Variants in CDKAL1 observed in about 807,000 individuals in gnomAD.
CDKAL1 encodes the protein CDKAL1 threonylcarbamoyladenosine tRNA methylthiotransferase.
A neutral mutation model predicts 68.2 loss-of-function variants in CDKAL1; 32 were observed. The ratio of observed to expected loss-of-function variants is 0.47; its 90% CI spans 0.35 to 0.63. The LOEUF (loss-of-function observed/expected upper bound fraction) is 0.63, where lower values mean the gene tolerates loss of function less well. Among genes scored for constraint, CDKAL1 ranks in the 30% least tolerant of loss-of-function variants. The pLI, the probability that CDKAL1 is intolerant of heterozygous loss-of-function variation, is 0.00. For missense variants in CDKAL1, 606 were observed against 696.7 expected (o/e 0.87, Z 1.47); for synonymous variants, 234 against 244.3 (o/e 0.96, Z 0.39).
intron 13 of CDKAL1, among the ~76,000 whole-genome samples, chr6:21,138,683 A>G (rs950233027): frequency 5.9e-5 from 9 of 152,172 alleles, no homozygotes; most frequent in Admixed American, 5.9e-4. Flanking sequence ...TAGTCTAGAC[A>G]CTTGGAAATG....
intron 8 of CDKAL1, among the ~76,000 whole-genome samples, chr6:20,794,158 A>G (rs1460481306): frequency 3.3e-5 from 5 of 150,758 alleles, no homozygotes; most frequent in African/African-American, 1.2e-4. Context: ...TTATTTTTCC[A>G]TTTTCTGTAT....
intron 11 of CDKAL1, among the ~76,000 whole-genome samples, chr6:21,062,364 T>C (rs1771187463): frequency 6.6e-6 from 1 of 152,214 alleles, no homozygotes; most frequent in South Asian, 2.1e-4. Context: ...AAAAGGCAAG[T>C]ATAAAACTAG....
chr6:20,718,590 C>A (rs1239004121), intron 5 of CDKAL1, among the ~76,000 whole-genome samples: 4 of 152,104 alleles, frequency 2.6e-5, no homozygotes, highest in Admixed American at 6.5e-5. Context: ...GTTTATTATT[C>A]TTCTAACTTT....
intron 13 of CDKAL1, among the ~76,000 whole-genome samples, chr6:21,119,361 T>C (rs1384817853): frequency 3.3e-5 from 5 of 152,228 alleles, no homozygotes; most frequent in African/African-American, 1.2e-4. Flanking sequence ...CTGCCACTAG[T>C]ACTCACCACA....
chr6:20,682,451 G>T (rs1356271591), intron 5 of CDKAL1, among the ~76,000 whole-genome samples: 1 of 152,138 alleles, frequency 6.6e-6, no homozygotes, highest in African/African-American at 2.4e-5. Context: ...GGCTGGAGAG[G>T]CCTTAGGAAA....
chr6:20,608,294 CAA>C (rs1415463628), intron 4 of CDKAL1, among the ~76,000 whole-genome samples: 1 of 151,928 alleles, frequency 6.6e-6, no homozygotes, highest in African/African-American at 2.4e-5. Flanking sequence ...ATAAAGTACA[CAA>C]GTTATCTATA....
At chr6:21,189,959 C>A (rs1175762697) in intron 13 of CDKAL1, among the ~76,000 whole-genome samples, 1 of 152,098 alleles carries the variant, frequency 6.6e-6, no homozygotes, top group Non-Finnish European at 1.5e-5. Context: ...TAGGAAAGAA[C>A]AAGACCATAC....
chr6:20,597,274 G>A (rs538756778), intron 4 of CDKAL1, among the ~76,000 whole-genome samples: 3 of 151,842 alleles, frequency 2.0e-5, no homozygotes, highest in East Asian at 1.9e-4. Flanking sequence ...GACTACAGGC[G>A]CCTGCCACCA....
chr6:20,761,214 A>G (rs1020366264), intron 7 of CDKAL1, among the ~76,000 whole-genome samples: 16 of 152,250 alleles, frequency 1.1e-4, no homozygotes, highest in Non-Finnish European at 1.9e-4. Flanking sequence ...GCAATGCAAT[A>G]TAGTGGTATG....
chr6:21,162,882 C>T (rs576566324), intron 13 of CDKAL1, among the ~76,000 whole-genome samples: 10 of 152,036 alleles, frequency 6.6e-5, no homozygotes, highest in African/African-American at 2.2e-4. Context: ...GTGCAATGAT[C>T]ACACCTATGT....
In CDKAL1 at chr6:21,020,774, CT is replaced by C. The variant is rs60084439; in HGVS notation, c.1055+20420del. Among the ~76,000 whole-genome samples, 589 of 132,780 alleles carry C rather than the reference CT, an allele frequency of 4.4e-3. 1 individual carries two copies. Among genetic ancestry groups the C allele is most frequent in the African/African-American group, 6.0e-3 (214 of 35,592 alleles). The allele number at this position is 132,780 out of a possible 152,430, so 87.1% of individuals were successfully genotyped here. A position where few individuals can be genotyped will look rare whatever the true frequency, so the allele number is the denominator to read the frequency against. On this transcript the variant is annotated intron_variant, in intron 11 of 15. Coordinates refer to ENST00000274695, the MANE Select transcript of CDKAL1 (RefSeq NM_017774.3). ...GAGCCACCGTGCCTGGCCTTTTTTC[CT>C]TTTTTTTTTTTTTTTTTAAGAGATA...
intron 6 of CDKAL1, among the ~76,000 whole-genome samples, chr6:20,752,407 A>G (rs558535938): frequency 8.9e-4 from 135 of 152,274 alleles, no homozygotes; most frequent in African/African-American, 3.2e-3. Context: ...ATTTTCAGCT[A>G]TATACATTCA....
chr6:20,912,932 A>G (rs982374765), intron 9 of CDKAL1, among the ~76,000 whole-genome samples: 69 of 152,138 alleles, frequency 4.5e-4, no homozygotes, highest in Non-Finnish European at 8.4e-4. Flanking sequence ...CATATCTAAA[A>G]GAAATATATC....
At chr6:21,160,612 T>A (rs1376224788) in intron 13 of CDKAL1, among the ~76,000 whole-genome samples, 5 of 141,062 alleles carry the variant, frequency 3.5e-5, no homozygotes, top group African/African-American at 7.8e-5. Flanking sequence ...TTTTTTTTTT[T>A]ATTCACTGTA....
At chr6:20,891,999 C>T (rs1761430638) in intron 9 of CDKAL1, among the ~76,000 whole-genome samples, 1 of 151,858 alleles carries the variant, frequency 6.6e-6, no homozygotes, top group South Asian at 2.1e-4. Context: ...CTTGCCTCTT[C>T]TGCACTTGTG....
intron 5 of CDKAL1, among the ~76,000 whole-genome samples, chr6:20,654,794 C>G (rs1768951005): frequency 6.6e-6 from 1 of 152,160 alleles, no homozygotes; most frequent in African/African-American, 2.4e-5. Context: ...TCTGGGTCCT[C>G]TATTTCATTC....
rs9465887 is a variant in CDKAL1 at position 20,771,480 on chromosome 6, C to T, written c.518-9665C>T. Among the ~76,000 whole-genome samples the T allele has an allele frequency of 4.0e-3, 602 of 152,272 alleles. 3 individuals carry two copies. The highest frequency in any genetic ancestry group is 0.014 in the African/African-American group (563 of 41,548). On this transcript the variant is annotated intron_variant, in intron 7 of 15. Transcript: ENST00000274695. ...ATACATAGATGGGAAAATTCCCCAGCCTTTACTGCTTCCCATCTCTTCTGT... is the reference window on the plus strand; with the variant it reads ...ATACATAGATGGGAAAATTCCCCAGTCTTTACTGCTTCCCATCTCTTCTGT...
intron 8 of CDKAL1, among the ~76,000 whole-genome samples, chr6:20,833,844 A>T (rs1016353029): frequency 6.6e-5 from 10 of 152,042 alleles, no homozygotes; most frequent in African/African-American, 2.4e-4. Context: ...GCTCTCTCTC[A>T]GTTAATGCAA....
At chr6:20,646,216 C>T in intron 4 of CDKAL1, among the ~76,000 whole-genome samples, 1 of 151,430 alleles carries the variant, frequency 6.6e-6, no homozygotes. Flanking sequence ...GCTACTGCAC[C>T]CGGCTAATTT....
Sources: gnomAD v4.1 joint callset for allele counts (sites outside exome capture counted in the v4.1 genomes callset) on GRCh38, gnomAD v4.1.1 for gene constraint, MANE v1.5 for transcripts, NCBI Gene and HGNC (gene_info 2026-07-23, HGNC 2026-07-21) for gene names.